Variants in RBFOX1 observed in about 807,000 individuals in gnomAD.
RBFOX1 encodes the protein RNA binding fox-1 homolog 1.
RBFOX1 carries 8 observed loss-of-function variants against 57.7 expected under a neutral mutation model. That is an observed-to-expected ratio of 0.14 (90% CI 0.08 to 0.25). The LOEUF (loss-of-function observed/expected upper bound fraction) is 0.25, where lower values mean the gene tolerates loss of function less well. Among genes scored for constraint, RBFOX1 ranks in the 10% least tolerant of loss-of-function variants. The probability of loss-of-function intolerance (pLI) is 1.00; values close to 1 mark genes in which losing one functional copy is unlikely to be tolerated. For missense variants in RBFOX1, 611 were observed against 548.5 expected (o/e 1.11, Z -1.14); for synonymous variants, 326 against 222.4 (o/e 1.47, Z -4.15).
intron 3 of RBFOX1, among the ~76,000 whole-genome samples, chr16:5,642,442 G>T (rs1462096512): frequency 6.6e-6 from 1 of 152,196 alleles, no homozygotes; most frequent in Non-Finnish European, 1.5e-5. Flanking sequence ...GGTAACACTT[G>T]TGCTGGACTC....
chr16:6,208,712 C>T (rs1247283293), intron 1 of RBFOX1, among the ~76,000 whole-genome samples: 1 of 152,050 alleles, frequency 6.6e-6, no homozygotes, highest in Non-Finnish European at 1.5e-5. Context: ...TCAGAACCTT[C>T]CATATTTAAA....
rs1008312946 is a variant in RBFOX1, at chr16:7,484,174, C to T, written c.28-33973C>T. ...TTGTTGCACATATTAACATTTTGTTCCTTTTCATTGCTGAGTGGTACGTCA... is the reference window on the plus strand; with the variant it reads ...TTGTTGCACATATTAACATTTTGTTTCTTTTCATTGCTGAGTGGTACGTCA... On this transcript the variant is annotated intron_variant, in intron 4 of 15. Transcript: ENST00000550418. 2.0e-5 allele frequency among the ~76,000 whole-genome samples: 3 copies of T among 152,090 alleles called. No individual in the cohort carries two copies. In the South Asian group the frequency reaches 6.2e-4, roughly 31 times the overall value.
chr16:6,280,538 G>A (rs568461225), intron 1 of RBFOX1, among the ~76,000 whole-genome samples: 39 of 152,150 alleles, frequency 2.6e-4, no homozygotes, highest in Admixed American at 5.9e-4. Context: ...TGCATCATGC[G>A]TCCACACAGC....
intron 10 of RBFOX1, among the ~76,000 whole-genome samples, chr16:7,628,209 T>C (rs775707556): frequency 2.6e-5 from 4 of 152,168 alleles, no homozygotes; most frequent in African/African-American, 4.8e-5. Flanking sequence ...ACTTCATAGC[T>C]GATTTTAAGT....
At chr16:7,038,335 C>T (rs11645779) in intron 3 of RBFOX1, among the ~76,000 whole-genome samples, 14,641 of 152,084 alleles carry the variant, frequency 0.096, 1,152 homozygotes, top group East Asian at 0.32. Context: ...AACCCTTGAT[C>T]ATGAGGGAAA....
chr16:6,209,178 T>A (rs2097275477), intron 1 of RBFOX1, among the ~76,000 whole-genome samples: 1 of 152,152 alleles, frequency 6.6e-6, no homozygotes, highest in African/African-American at 2.4e-5. Context: ...ACTCCTCAAG[T>A]AGGGAGTTTG....
chr16:6,960,169 C>G (rs980171801), intron 3 of RBFOX1, among the ~76,000 whole-genome samples: 6 of 152,028 alleles, frequency 3.9e-5, no homozygotes, highest in Admixed American at 2.0e-4. Flanking sequence ...AAGGAACTCC[C>G]CACACCTCCA....
chr16:5,985,270 G>A (rs887204533), intron 4 of RBFOX1, among the ~76,000 whole-genome samples: 9 of 151,742 alleles, frequency 5.9e-5, no homozygotes, highest in Non-Finnish European at 2.9e-5. Context: ...GGGATTACAG[G>A]CATGAGTCAT....
chr16:6,608,719 C>G (rs1468193546), intron 2 of RBFOX1, among the ~76,000 whole-genome samples: 2 of 152,276 alleles, frequency 1.3e-5, no homozygotes, highest in East Asian at 1.9e-4. Context: ...CTACAGTGAG[C>G]CATGATTGTA....
intron 2 of RBFOX1, among the ~76,000 whole-genome samples, chr16:6,618,655 G>A (rs1017656927): frequency 6.6e-6 from 1 of 152,156 alleles, no homozygotes; most frequent in Non-Finnish European, 1.5e-5. Context: ...TGAGAGAACT[G>A]GCTTTCAAAT....
chr16:6,354,686 G>T (rs2152854108), intron 2 of RBFOX1, among the ~76,000 whole-genome samples: 1 of 152,142 alleles, frequency 6.6e-6, no homozygotes, highest in Middle Eastern at 3.4e-3. Context: ...CAGAGTTTTT[G>T]CACAGGCCGT....
At chr16:5,488,101 ATGG>A (rs1208248531) in intron 2 of RBFOX1, among the ~76,000 whole-genome samples, 12 of 143,000 alleles carry the variant, frequency 8.4e-5, no homozygotes, top group Admixed American at 6.1e-4. Context: ...GATGATGGTG[ATGG>A]TGGTGGTGGT....
chr16:7,438,973 GT>G (rs757283744), intron 4 of RBFOX1, among the ~76,000 whole-genome samples: 12 of 152,204 alleles, frequency 7.9e-5, no homozygotes, highest in Non-Finnish European at 1.2e-4. Context: ...AGAAGCACCT[GT>G]ATGTAGAGAA....
At chr16:6,521,237 G>A (rs578159498) in intron 2 of RBFOX1, among the ~76,000 whole-genome samples, 6 of 152,248 alleles carry the variant, frequency 3.9e-5, no homozygotes, top group South Asian at 2.1e-4. Context: ...AGCCTAGGCT[G>A]TGCTACTGTT....
chr16:5,648,624 C>T (rs961811569), intron 3 of RBFOX1, among the ~76,000 whole-genome samples: 15 of 152,166 alleles, frequency 9.9e-5, no homozygotes, highest in African/African-American at 3.6e-4. Flanking sequence ...TCTTACCCAA[C>T]ACGTCAAGAG....
chr16:7,297,023 C>A (rs555643836), intron 4 of RBFOX1, among the ~76,000 whole-genome samples: 2 of 152,070 alleles, frequency 1.3e-5, no homozygotes, highest in Admixed American at 6.5e-5. Context: ...TGAAAGATCC[C>A]GTTTTCCAAG....
At chr16:6,726,397 CTTT>C (rs5815344) in intron 3 of RBFOX1, among the ~76,000 whole-genome samples, 4 of 146,910 alleles carry the variant, frequency 2.7e-5, no homozygotes, top group Admixed American at 6.7e-5. Context: ...GCTATTTTTT[CTTT>C]TTTTTTTTTT....
intron 3 of RBFOX1, among the ~76,000 whole-genome samples, chr16:6,966,935 CCAT>C (rs2084376203): frequency 7.5e-6 from 1 of 132,456 alleles, no homozygotes; most frequent in African/African-American, 3.0e-5. Flanking sequence ...ATCCATCCAT[CCAT>C]TGGCCTACCT....
At chr16:7,207,633 C>G (rs2090261982) in intron 4 of RBFOX1, among the ~76,000 whole-genome samples, 1 of 152,182 alleles carries the variant, frequency 6.6e-6, no homozygotes, top group African/African-American at 2.4e-5. Context: ...TGAGAACAGT[C>G]TCTGCAACCT....
Sources: allele counts gnomAD v4.1 joint callset (sites outside exome capture counted in the v4.1 genomes callset), GRCh38; gene constraint gnomAD v4.1.1; transcripts MANE v1.5; gene names NCBI Gene and HGNC (gene_info 2026-07-23, HGNC 2026-07-21).